The following ETV5 variants were observed in gnomAD, a reference collection of about 807,000 sequenced individuals.
The protein encoded by ETV5 is ETS variant transcription factor 5, also known as ETS translocation variant 5.
Under a neutral mutation model 70.0 loss-of-function variants are expected in ETV5, and 10 were observed. That is an observed-to-expected ratio of 0.14 (90% CI 0.09 to 0.24). The LOEUF is 0.24. ETV5 is among the 10% of genes least tolerant of loss of function. ETV5 has a pLI of 1.00. For synonymous variants in ETV5, 216 were observed against 242.2 expected (o/e 0.89, Z 1.01); for missense variants, 453 against 651.2 (o/e 0.70, Z 3.31).
At chr3:186,100,260 A>C (rs1264668258) in intron 5 of ETV5, among the ~76,000 whole-genome samples, 3 of 152,214 alleles carry the variant, frequency 2.0e-5, no homozygotes, top group African/African-American at 7.2e-5. Context: ...TGATTCCTGA[A>C]AAGTATAAAC....
Position 186,047,724 on chromosome 3 carries a change from T to C in ETV5, c.*915A>G. 1 of 233,488 alleles carries C rather than the reference T, an allele frequency of 4.3e-6. No homozygotes were observed. The highest frequency in any genetic ancestry group is 5.6e-5 in the Admixed American group (1 of 17,792). 14.5% of individuals were successfully genotyped at this position (233,488 alleles called of 1,614,324 possible). On this transcript the variant is annotated 3_prime_UTR_variant, in exon 13 of 13. Transcript: ENST00000306376. ...CAGCAAAGCCCCTCTCAAGCTGCAGTGTCTTCATAAGTTGGCACGGCCCTG... is the reference window on the plus strand; with the variant it reads ...CAGCAAAGCCCCTCTCAAGCTGCAGCGTCTTCATAAGTTGGCACGGCCCTG...
In ETV5 at chr3:186,054,406, C is replaced by T. The variant is rs1214132142; in HGVS notation, c.1210-2275G>A. Among the ~76,000 whole-genome samples, 1 of 152,166 alleles carries T rather than the reference C, an allele frequency of 6.6e-6. No homozygotes were observed. The highest frequency in any genetic ancestry group is 1.9e-4 in the East Asian group (1 of 5,194). On this transcript the variant is annotated intron_variant, in intron 11 of 12. Transcript: ENST00000306376. The surrounding 1 kb of genome is among the most constrained non-coding windows in gnomAD (Gnocchi z 4.4). ...GGCTCTTTCTAGCAGCCCATCCCTT[C>T]AAACCTCCCAGCAGCAGTTATCTGC...
At chr3:186,087,838 ATT>A (rs200220422) in intron 5 of ETV5, among the ~76,000 whole-genome samples, 25 of 143,694 alleles carry the variant, frequency 1.7e-4, no homozygotes, top group African/African-American at 5.6e-4. Flanking sequence ...ATTCAAAAGC[ATT>A]TTTTTTTTTT....
intron 7 of ETV5, 67 bp from the exon 8 acceptor site, chr3:186,066,139 G>A: frequency 7.1e-7 from 1 of 1,409,632 alleles, no homozygotes; most frequent in Non-Finnish European, 9.5e-7. Context: ...ATTGAGCACT[G>A]GGGACTAGAA....
In ETV5 at chr3:186,046,395, C is replaced by T. The variant is rs914932652; in HGVS notation, c.*2244G>A. 3.5e-5 allele frequency: 8 copies of T among 227,924 alleles called. No homozygotes were observed. The highest frequency in any genetic ancestry group is 6.3e-5 in the East Asian group (1 of 15,956). 14.1% of individuals were successfully genotyped at this position (227,924 alleles called of 1,614,324 possible). ...GCTTGGCAGGATGCATACGGCCCTG[C>T]GCAGGGGAAAGTATTTCAAATCAGC... is the stretch of plus-strand genomic sequence containing the variant. On this transcript the variant is annotated 3_prime_UTR_variant, in exon 13 of 13. Transcript: ENST00000306376.
intron 7 of ETV5, among the ~76,000 whole-genome samples, chr3:186,077,431 T>G (rs1713822393): frequency 6.6e-6 from 1 of 152,256 alleles, no homozygotes; most frequent in African/African-American, 2.4e-5. Flanking sequence ...TCTGTCTCAT[T>G]TTCTGTGTAC....
chr3:186,062,652 T>C (rs1352702389), intron 9 of ETV5, among the ~76,000 whole-genome samples: 2 of 151,984 alleles, frequency 1.3e-5, no homozygotes, highest in African/African-American at 4.8e-5. Flanking sequence ...CCCAGAAATA[T>C]CTATCCTATA....
chr3:186,105,900 G>A lies in ETV5; in HGVS notation c.-32C>T. The A allele has an allele frequency of 1.2e-6, 2 of 1,611,976 alleles. No homozygotes were observed. Among genetic ancestry groups the A allele is most frequent in the Non-Finnish European group, 1.7e-6 (2 of 1,178,990 alleles). On this transcript the variant is annotated 5_prime_UTR_variant, in exon 2 of 13. Transcript: ENST00000306376. This position sits in a 1 kb window ranked among gnomAD's most constrained non-coding sequence, Gnocchi z 4.5. Reference sequence around the variant, plus strand: ...TTCAGCGTCTCTAATACCACTTTGAGAGGTTTCAGCATTGAGTAATTTCTG... The same window carrying A: ...TTCAGCGTCTCTAATACCACTTTGAAAGGTTTCAGCATTGAGTAATTTCTG...
chr3:186,098,949 G>A (rs1394501923), intron 5 of ETV5, among the ~76,000 whole-genome samples: 1 of 151,984 alleles, frequency 6.6e-6, no homozygotes, highest in Non-Finnish European at 1.5e-5. Flanking sequence ...TCCATGCCTC[G>A]GCTGTTCAGA....
intron 9 of ETV5, among the ~76,000 whole-genome samples, chr3:186,058,611 A>G (rs1406023416): frequency 2.0e-5 from 3 of 152,220 alleles, no homozygotes; most frequent in African/African-American, 7.2e-5. Context: ...GAGGCTGGGC[A>G]CGGTGGTGAG....
intron 12 of ETV5, among the ~76,000 whole-genome samples, chr3:186,051,253 T>C (rs913098476): frequency 7.2e-5 from 11 of 152,258 alleles, no homozygotes; most frequent in African/African-American, 1.2e-4. Context: ...TCAGCAGTTT[T>C]GCCCATATGC....
chr3:186,068,006 CA>C (rs1713494205), intron 7 of ETV5, among the ~76,000 whole-genome samples: 1 of 152,124 alleles, frequency 6.6e-6, no homozygotes, highest in African/African-American at 2.4e-5. Flanking sequence ...TGGTCATAAA[CA>C]AAAAGTTTAA....
At chr3:186,068,012 G>C (rs1183316951) in intron 7 of ETV5, among the ~76,000 whole-genome samples, 2 of 152,200 alleles carry the variant, frequency 1.3e-5, no homozygotes, top group Non-Finnish European at 2.9e-5. Context: ...TAAACAAAAA[G>C]TTTAACTCAT....
intron 5 of ETV5, among the ~76,000 whole-genome samples, chr3:186,095,492 C>T (rs1449234774): frequency 6.6e-6 from 1 of 152,198 alleles, no homozygotes; most frequent in Non-Finnish European, 1.5e-5. Context: ...AAAATTCATC[C>T]TTAAAATCTG....
chr3:186,079,892 G>T lies in ETV5; in HGVS notation c.575C>A (p.Ala192Glu), dbSNP rs779639231. 6.2e-7 allele frequency: 1 copy of T among 1,604,654 alleles called. No individual in the cohort carries two copies. Among genetic ancestry groups the T allele is most frequent in the Non-Finnish European group, 8.5e-7 (1 of 1,175,220 alleles). The change falls in exon 7 of 13, where the codon GCG becomes GAG. Residue 192 changes from alanine to glutamate, a missense_variant. Physicochemically the swap from Ala to Glu is moderately radical, Grantham distance 107 (BLOSUM62 -1). Transcript: ENST00000306376. ...GGGCTGATGTGGTGGTCGGGGGACC[G>T]CAAATGTTTGCTGCTGTGGTCCAGG... ...PEPGPQQQTF[A>E]VPRPPHQPLQ...
chr3:186,090,047 G>A (rs1481505793), intron 5 of ETV5, among the ~76,000 whole-genome samples: 2 of 152,140 alleles, frequency 1.3e-5, no homozygotes, highest in African/African-American at 2.4e-5. Flanking sequence ...GTAGCAATAC[G>A]TTTTAAAAAT....
rs375335586 is a variant in ETV5 at position 186,105,892 on chromosome 3, C to A, written c.-24G>T. ...ATGGTGCTTTCAGCGTCTCTAATAC[C>A]ACTTTGAGAGGTTTCAGCATTGAGT... On this transcript the variant is annotated 5_prime_UTR_variant, in exon 2 of 13. Transcript: ENST00000306376. The surrounding 1 kb of genome is among the most constrained non-coding windows in gnomAD (Gnocchi z 4.5). The A allele has an allele frequency of 5.8e-5, 93 of 1,612,766 alleles. No homozygotes were observed. Among genetic ancestry groups the A allele is most frequent in the South Asian group, 7.7e-5 (7 of 90,730 alleles).
At chr3:186,064,633 A>C (rs1221256968) in intron 8 of ETV5, 157 bp from the exon 9 acceptor site, 1 of 699,288 alleles carries the variant, frequency 1.4e-6, no homozygotes, top group African/African-American at 1.7e-5. Context: ...CCACACCAAT[A>C]AGCAAGATGG....
intron 12 of ETV5, 112 bp from the exon 13 acceptor site, chr3:186,048,972 T>A: frequency 1.2e-6 from 1 of 813,646 alleles, no homozygotes; most frequent in Non-Finnish European, 2.0e-6. Context: ...AGCAGCCGAT[T>A]ACCCCAATCA....
Sources: gnomAD v4.1 joint callset for allele counts (sites outside exome capture counted in the v4.1 genomes callset) on GRCh38, gnomAD v4.1.1 for gene constraint, Gnocchi (gnomAD v3.1) non-coding constraint, MANE v1.5 for transcripts, NCBI Gene and HGNC (gene_info 2026-07-23, HGNC 2026-07-21) for gene names.